RSBN1L: variants seen among roughly 807,000 people sequenced by gnomAD.
The protein encoded by RSBN1L is round spermatid basic protein 1 like, also known as lysine-specific demethylase RSBN1L.
RSBN1L carries 30 observed loss-of-function variants against 67.7 expected under a neutral mutation model. The observed-to-expected ratio is 0.44, with a 90% confidence interval of 0.33 to 0.60. The LOEUF (loss-of-function observed/expected upper bound fraction) is 0.60, where lower values mean the gene tolerates loss of function less well. Among genes scored for constraint, RSBN1L ranks in the 20% least tolerant of loss-of-function variants. The pLI, the probability that RSBN1L is intolerant of heterozygous loss-of-function variation, is 0.02. For missense variants in RSBN1L, 992 were observed against 1,031.7 expected, an observed-to-expected ratio of 0.96 and a Z score of 0.53; for synonymous variants, 433 against 387.0, an observed-to-expected ratio of 1.12 and a Z score of -1.39.
In RSBN1L at chr7:77,722,497, C is replaced by T. The variant is rs1233225531; in HGVS notation, c.587-13913C>T. ...CACGGAAAAAAGGGCTGAGAAGCCACTGGATTTTTTAGCTTTGATTAGCTG... is the reference window on the plus strand; with the variant it reads ...CACGGAAAAAAGGGCTGAGAAGCCATTGGATTTTTTAGCTTTGATTAGCTG... On this transcript the variant is annotated intron_variant, in intron 1 of 7. Coordinates refer to ENST00000334955, the MANE Select transcript of RSBN1L (RefSeq NM_198467.3). 2.0e-5 allele frequency among the ~76,000 whole-genome samples: 3 copies of T among 152,198 alleles called. No individual in the cohort carries two copies. In the East Asian group the frequency reaches 5.8e-4, roughly 29 times the overall value.
intron 1 of RSBN1L, among the ~76,000 whole-genome samples, chr7:77,718,661 T>A (rs1244584987): frequency 6.6e-6 from 1 of 152,308 alleles, no homozygotes; most frequent in East Asian, 1.9e-4. Context: ...TTGTATATAC[T>A]TAAACAAAAC....
At position 77,760,895 on chromosome 7, in the gene RSBN1L, C is replaced by G. The variant is rs887398844; in HGVS notation, c.1345-4600C>G. ...AAATGATCCTCCCGCCTTGGCCTCC[C>G]AAAATGCTGGGATTACAGGCGTGAC... On this transcript the variant is annotated intron_variant, in intron 3 of 7. Transcript: ENST00000334955. Among the ~76,000 whole-genome samples the G allele has an allele frequency of 3.3e-5, 5 of 152,196 alleles. 1 individual carries two copies. In the South Asian group the frequency reaches 1.0e-3, roughly 31 times the overall value.
At chr7:77,730,447 G>C (rs1791259179) in intron 1 of RSBN1L, among the ~76,000 whole-genome samples, 1 of 152,072 alleles carries the variant, frequency 6.6e-6, no homozygotes, top group Non-Finnish European at 1.5e-5. Flanking sequence ...GTCACTCTTG[G>C]TGTTATAAAT....
rs1456735269 is a variant in RSBN1L, at chr7:77,760,107, A to G, written c.1345-5388A>G. Among the ~76,000 whole-genome samples the G allele has an allele frequency of 3.3e-5, 5 of 152,226 alleles. No individual in the cohort carries two copies. In the East Asian group the frequency reaches 7.7e-4, roughly 23 times the overall value. On this transcript the variant is annotated intron_variant, in intron 3 of 7. Coordinates refer to ENST00000334955, the MANE Select transcript of RSBN1L (RefSeq NM_198467.3). ...AAGAGAAAACAGCAATAAGTAAAAA[A>G]TCTTATAGATTTGTTTTTGGCAACA...
intron 1 of RSBN1L, among the ~76,000 whole-genome samples, chr7:77,734,627 T>G (rs1475633602): frequency 6.6e-6 from 1 of 152,074 alleles, no homozygotes; most frequent in East Asian, 1.9e-4. Flanking sequence ...TAGCTGGGAT[T>G]ACAGGCATGC....
chr7:77,769,884 A>G (rs1030730433), intron 5 of RSBN1L, among the ~76,000 whole-genome samples: 5 of 152,204 alleles, frequency 3.3e-5, no homozygotes, highest in African/African-American at 7.2e-5. Flanking sequence ...AGCTGCTGTA[A>G]TTTTGTGAAA....
intron 1 of RSBN1L, among the ~76,000 whole-genome samples, chr7:77,698,032 CTTTT>C (rs142028684): frequency 6.6e-6 from 1 of 152,314 alleles, no homozygotes; most frequent in Admixed American, 6.5e-5. Context: ...TCAAATAACT[CTTTT>C]TGTTTTTTAG....
At chr7:77,764,873 C>T (rs915090786) in intron 3 of RSBN1L, among the ~76,000 whole-genome samples, 4 of 152,036 alleles carry the variant, frequency 2.6e-5, no homozygotes, top group Non-Finnish European at 2.9e-5. Context: ...CCTCATGATC[C>T]GCCTGCCTTG....
chr7:77,710,630 C>T (rs1434517066), intron 1 of RSBN1L, among the ~76,000 whole-genome samples: 1 of 152,062 alleles, frequency 6.6e-6, no homozygotes, highest in African/African-American at 2.4e-5. Flanking sequence ...GAGTCTCGCT[C>T]TGTTGCTCAG....
Position 77,706,208 on chromosome 7 carries a change from C to G in RSBN1L, c.586+9153C>G, listed in dbSNP as rs561799584. Among the ~76,000 whole-genome samples, 3 of 152,106 alleles carry G rather than the reference C, an allele frequency of 2.0e-5. No individual in the cohort carries two copies. In the East Asian group the frequency reaches 5.8e-4, roughly 29 times the overall value. On this transcript the variant is annotated intron_variant, in intron 1 of 7. Transcript: ENST00000334955. ...TCTCCTGCCTCGGCCTCCTGAGTAC[C>G]TGGGATTACAGACGCCTGCCACTAC...
At chr7:77,774,617 A>G (rs959324500) in intron 6 of RSBN1L, among the ~76,000 whole-genome samples, 12 of 152,218 alleles carry the variant, frequency 7.9e-5, no homozygotes, top group African/African-American at 2.4e-4. Context: ...CGTGCCTGTA[A>G]TCCCAGCTAC....
intron 6 of RSBN1L, among the ~76,000 whole-genome samples, chr7:77,775,857 A>G (rs565386552): frequency 9.9e-4 from 150 of 152,266 alleles, no homozygotes; most frequent in African/African-American, 3.4e-3. Context: ...GGAGTTCCAG[A>G]CCAGCCTGGG....
intron 2 of RSBN1L, among the ~76,000 whole-genome samples, chr7:77,737,617 T>G (rs1267940678): frequency 3.9e-5 from 6 of 152,238 alleles, no homozygotes; most frequent in Non-Finnish European, 8.8e-5. Context: ...TTGTTCTGTT[T>G]CTTTTGCCTG....
At chr7:77,715,854 A>C (rs1313703129) in intron 1 of RSBN1L, among the ~76,000 whole-genome samples, 1 of 152,200 alleles carries the variant, frequency 6.6e-6, no homozygotes, top group African/African-American at 2.4e-5. Flanking sequence ...TACCCTAATG[A>C]ATAGTGATGT....
chr7:77,725,621 T>C (rs1484497240), intron 1 of RSBN1L, among the ~76,000 whole-genome samples: 1 of 152,078 alleles, frequency 6.6e-6, no homozygotes, highest in East Asian at 1.9e-4. Context: ...GAAGAGATTA[T>C]ATCGTTTACT....
chr7:77,763,932 G>A lies in RSBN1L; in HGVS notation c.1345-1563G>A, dbSNP rs960224749. The stretch of plus-strand genomic sequence containing the variant: ...TTAGAAATCTGGTGAATTTATTAAA[G>A]AATTAATGTCATTATTAAACTGCTT... On this transcript the variant is annotated intron_variant, in intron 3 of 7. Coordinates refer to ENST00000334955, the MANE Select transcript of RSBN1L (RefSeq NM_198467.3). Among the ~76,000 whole-genome samples the A allele has an allele frequency of 6.6e-5, 10 of 152,310 alleles. 1 individual carries two copies. Among genetic ancestry groups the A allele is most frequent in the African/African-American group, 2.4e-4 (10 of 41,560 alleles).
chr7:77,721,563 A>C (rs1396850687), intron 1 of RSBN1L, among the ~76,000 whole-genome samples: 1 of 152,196 alleles, frequency 6.6e-6, no homozygotes, highest in Non-Finnish European at 1.5e-5. Context: ...TTTCACCGTA[A>C]TCTTACAGGA....
chr7:77,721,602 G>A (rs1207573742), intron 1 of RSBN1L, among the ~76,000 whole-genome samples: 1 of 152,204 alleles, frequency 6.6e-6, no homozygotes, highest in Non-Finnish European at 1.5e-5. Flanking sequence ...GAGGAATTGG[G>A]ATGGGCAATC....
In RSBN1L at chr7:77,778,839, G is replaced by T. The variant is rs764168350; in HGVS notation, c.2212G>T (p.Val738Phe). Residue 738 changes from valine (V) to phenylalanine (F), a missense_variant, in exon 8 of 8, where the codon GTT becomes TTT. By Grantham distance (50) the Val-to-Phe change is conservative. Transcript: ENST00000334955. ...TGTAAGCAAAGCCTCCTTGGATTCT[G>T]TTTTTTCAGATAAACTTCATTCTAA... ...CAVSKASLDSVFSDKLHSKYE... is the reference protein window; with the variant it reads ...CAVSKASLDSFFSDKLHSKYE... 4 of 1,613,898 alleles carry T rather than the reference G, an allele frequency of 2.5e-6. No individual in the cohort carries two copies. The Admixed American group carries it at 6.7e-5, about 27-fold the overall frequency.
Sources: gnomAD v4.1 joint callset for allele counts (sites outside exome capture counted in the v4.1 genomes callset) on GRCh38, gnomAD v4.1.1 for gene constraint, MANE v1.5 for transcripts, NCBI Gene and HGNC (gene_info 2026-07-23, HGNC 2026-07-21) for gene names.